Variants in POGZ observed in about 807,000 individuals in gnomAD.
POGZ encodes pogo transposable element with ZNF domain.
A neutral mutation model predicts 134.6 loss-of-function variants in POGZ; 17 were observed. The ratio of observed to expected loss-of-function variants is 0.13; its 90% CI spans 0.09 to 0.19. POGZ has a LOEUF of 0.19. POGZ is among the 10% of genes least tolerant of loss of function. The probability of loss-of-function intolerance (pLI) is 1.00; values close to 1 mark genes in which losing one functional copy is unlikely to be tolerated. For missense variants in POGZ, 1,306 were observed against 1,769.7 expected (o/e 0.74, Z 4.70); for synonymous variants, 693 against 657.1 (o/e 1.05, Z -0.84).
intron 10 of POGZ, among the ~76,000 whole-genome samples, chr1:151,418,858 T>C (rs538804376): frequency 2.6e-5 from 4 of 151,276 alleles, no homozygotes; most frequent in Admixed American, 1.3e-4. Flanking sequence ...ACCCCGTCTC[T>C]ACTAAAAATA....
intron 7 of POGZ, chr1:151,426,692 TTTC>T (rs1446532008): frequency 2.6e-5 from 4 of 152,220 alleles, no homozygotes; most frequent in Non-Finnish European, 4.4e-5. Flanking sequence ...TTACTCATTT[TTTC>T]TTTTCTTGCG....
intron 1 of POGZ, among the ~76,000 whole-genome samples, chr1:151,458,319 G>T (rs76814960): frequency 6.6e-6 from 1 of 152,070 alleles, no homozygotes; most frequent in Admixed American, 6.5e-5. Flanking sequence ...CACCGCGGCA[G>T]GACATAATCA....
intron 5 of POGZ, among the ~76,000 whole-genome samples, chr1:151,428,966 C>CA (rs1232497968): frequency 2.0e-5 from 3 of 151,832 alleles, no homozygotes; most frequent in Admixed American, 6.6e-5. Flanking sequence ...GCTACGAGAA[C>CA]AAAAAACAAA....
intron 3 of POGZ, among the ~76,000 whole-genome samples, chr1:151,436,391 C>T (rs2102338517): frequency 6.6e-6 from 1 of 152,340 alleles, no homozygotes; most frequent in East Asian, 1.9e-4. Context: ...CTATTCAAGA[C>T]ATTTCATATA....
chr1:151,450,141 C>T (rs191130347), intron 1 of POGZ, among the ~76,000 whole-genome samples: 4 of 148,862 alleles, frequency 2.7e-5, no homozygotes, highest in Non-Finnish European at 5.9e-5. Flanking sequence ...AAGTAATTCT[C>T]CTGTTTCAGT....
intron 3 of POGZ, chr1:151,438,982 A>G (rs1206093617): frequency 2.6e-5 from 4 of 152,204 alleles, no homozygotes; most frequent in Non-Finnish European, 5.9e-5. Flanking sequence ...GAACTTTAAC[A>G]GTTTGAGAGA....
Position 151,405,748 on chromosome 1 carries a change from T to G in POGZ, c.3287A>C (p.Asp1096Ala), listed in dbSNP as rs1451251734. The G allele has an allele frequency of 6.2e-7, 1 of 1,614,182 alleles. No homozygotes were observed. The highest frequency in any genetic ancestry group is 1.7e-5 in the Admixed American group (1 of 60,022). The change falls in exon 19 of 19, where the codon GAT becomes GCT. Residue 1096 changes from aspartate (D) to alanine (A), a missense_variant. By Grantham distance (126) the Asp-to-Ala change is moderately radical. Transcript: ENST00000271715. The surrounding 1 kb of genome is among the most constrained non-coding windows in gnomAD (Gnocchi z 4.9). ...RRAVAHTLPK[D>A]VAENAGLFID... Reference sequence around the variant, plus strand: ...GAAGAGTCCTGCATTCTCTGCTACATCCTTAGGTAGGGTGTGGGCCACAGC... The same window carrying G: ...GAAGAGTCCTGCATTCTCTGCTACAGCCTTAGGTAGGGTGTGGGCCACAGC...
At chr1:151,413,177 G>A (rs986851558) in intron 10 of POGZ, among the ~76,000 whole-genome samples, 10 of 139,698 alleles carry the variant, frequency 7.2e-5, no homozygotes, top group African/African-American at 2.1e-4. Flanking sequence ...ATAGCTCACC[G>A]CAGCCTCCTG....
chr1:151,429,303 G>A (rs1281411942), intron 5 of POGZ: 2 of 179,356 alleles, frequency 1.1e-5, no homozygotes, highest in Non-Finnish European at 2.3e-5. Context: ...TAGAATTTAT[G>A]AGTTTGCATT....
chr1:151,403,596 CTT>C lies in POGZ; in HGVS notation c.*1204_*1205del, dbSNP rs1653076875. 8.1e-6 allele frequency: 8 copies of C among 985,652 alleles called. No individual in the cohort carries two copies. Among genetic ancestry groups the C allele is most frequent in the Non-Finnish European group, 9.6e-6 (8 of 829,910 alleles). The allele number at this position is 985,652 out of a possible 1,614,324, so 61.1% of individuals were successfully genotyped here. ...TCATGCAAATTGTAGAAAAAATTTT[CTT>C]TCCTTGAAGCTGGCAGTGAAAAATA... is the stretch of plus-strand genomic sequence containing the variant. On this transcript the variant is annotated 3_prime_UTR_variant, in exon 19 of 19. Coordinates refer to ENST00000271715, the MANE Select transcript of POGZ (RefSeq NM_015100.4).
chr1:151,417,929 A>C (rs1266113104), intron 10 of POGZ, among the ~76,000 whole-genome samples: 1 of 152,200 alleles, frequency 6.6e-6, no homozygotes, highest in Non-Finnish European at 1.5e-5. Context: ...AAAATATAGA[A>C]TCAACCTAAG....
intron 1 of POGZ, among the ~76,000 whole-genome samples, chr1:151,443,058 G>A (rs2102375450): frequency 6.6e-6 from 1 of 152,218 alleles, no homozygotes. Context: ...AGTTTAATGT[G>A]TAATACCCAG....
chr1:151,415,670 CAAAAA>C (rs749459920), intron 10 of POGZ, among the ~76,000 whole-genome samples: 1 of 54,280 alleles, frequency 1.8e-5, no homozygotes, highest in Non-Finnish European at 4.4e-5. Flanking sequence ...GACTCCGTCT[CAAAAA>C]AAAAAAAAAA....
In POGZ at chr1:151,405,390, C is replaced by T. The variant is rs759133229; in HGVS notation, c.3645G>A (p.Lys1215=). The T allele has an allele frequency of 1.2e-6, 2 of 1,613,994 alleles. No individual in the cohort carries two copies. The highest frequency in any genetic ancestry group is 2.2e-5 in the South Asian group (2 of 91,058). ...CTTTGCTGCGCTGGCAAGCTGTGTG[C>T]TTCTGCCACACTCGAGTTGACCACA... ...MELWSTRVWQ[K]HTACQRSKGM... Residue 1215 remains lysine, a synonymous_variant, in exon 19 of 19, where the codon AAG becomes AAA. Coordinates refer to ENST00000271715, the MANE Select transcript of POGZ (RefSeq NM_015100.4). This position sits in a 1 kb window ranked among gnomAD's most constrained non-coding sequence, Gnocchi z 4.9.
chr1:151,407,651 T>C (rs112283967), intron 15 of POGZ, among the ~76,000 whole-genome samples: 15 of 152,010 alleles, frequency 9.9e-5, no homozygotes, highest in African/African-American at 2.9e-4. Flanking sequence ...GAAGAACAAA[T>C]AGCTCTAAGA....
chr1:151,448,303 A>G (rs1338316081), intron 1 of POGZ, among the ~76,000 whole-genome samples: 1 of 152,146 alleles, frequency 6.6e-6, no homozygotes, highest in African/African-American at 2.4e-5. Context: ...GATCATTAAG[A>G]TAATTTATAT....
intron 1 of POGZ, among the ~76,000 whole-genome samples, chr1:151,452,097 C>CAAA (rs574531921): frequency 1.5e-4 from 9 of 59,006 alleles, no homozygotes; most frequent in Middle Eastern, 0.018. Context: ...GACTCCGTCT[C>CAAA]AAAAAAAAAA....
chr1:151,413,063 C>T (rs1428274627), intron 10 of POGZ, among the ~76,000 whole-genome samples: 1 of 151,172 alleles, frequency 6.6e-6, no homozygotes, highest in South Asian at 2.1e-4. Flanking sequence ...CCCAGCCTCC[C>T]AAAGTGCTGG....
chr1:151,429,044 G>A (rs1553226618), intron 5 of POGZ, among the ~76,000 whole-genome samples: 1 of 150,806 alleles, frequency 6.6e-6, no homozygotes, highest in Admixed American at 6.6e-5. Flanking sequence ...TTTTTGGTCT[G>A]AATTGTAGTA....
Sources: gnomAD v4.1 joint callset for allele counts (sites outside exome capture counted in the v4.1 genomes callset) on GRCh38, gnomAD v4.1.1 for gene constraint, Gnocchi (gnomAD v3.1) non-coding constraint, MANE v1.5 for transcripts, NCBI Gene and HGNC (gene_info 2026-07-23, HGNC 2026-07-21) for gene names.